The following INVS variants were observed in gnomAD, a reference collection of about 807,000 sequenced individuals.
INVS encodes the protein inversion of embryo turning homolog.
In INVS, 86 loss-of-function variants were observed where a neutral mutation model predicts 108.8. The ratio of observed to expected loss-of-function variants is 0.79; its 90% CI spans 0.66 to 0.95. INVS has a LOEUF of 0.95. INVS is among the 40% of genes least tolerant of loss of function. The pLI, the probability that INVS is intolerant of heterozygous loss-of-function variation, is 0.00. For synonymous variants in INVS, 455 were observed against 473.5 expected (o/e 0.96, Z 0.51); for missense variants, 1,169 against 1,297.4 (o/e 0.90, Z 1.52).
At chr9:100,292,299 A>T (rs1420689885) in intron 13 of INVS, 27 bp from the exon 14 acceptor site, 1 of 1,593,034 alleles carries the variant, frequency 6.3e-7, no homozygotes. Context: ...CAAGTTTTGG[A>T]CAATATTTTT....
intron 10 of INVS, among the ~76,000 whole-genome samples, chr9:100,262,447 C>G (rs1295814961): frequency 1.3e-5 from 2 of 151,498 alleles, no homozygotes; most frequent in African/African-American, 4.8e-5. Context: ...GTAAGTTGTA[C>G]TTTTTAAGGA....
chr9:100,239,625 A>G (rs1003300969), intron 5 of INVS, among the ~76,000 whole-genome samples: 2 of 152,130 alleles, frequency 1.3e-5, no homozygotes, highest in Non-Finnish European at 1.5e-5. Flanking sequence ...TCCATGATTT[A>G]TCACTTGTGC....
intron 3 of INVS, among the ~76,000 whole-genome samples, chr9:100,178,971 G>A (rs1021940368): frequency 3.6e-4 from 55 of 152,330 alleles, no homozygotes; most frequent in African/African-American, 1.2e-3. Context: ...AGAAGAGAGT[G>A]AGGGTCAATA....
chr9:100,182,252 A>G (rs1829912550), intron 3 of INVS, among the ~76,000 whole-genome samples: 1 of 152,246 alleles, frequency 6.6e-6, no homozygotes, highest in South Asian at 2.1e-4. Flanking sequence ...AACAAAAGCC[A>G]AAATTGACAA....
At chr9:100,110,245 C>T (rs1827300624) in intron 2 of INVS, among the ~76,000 whole-genome samples, 1 of 152,144 alleles carries the variant, frequency 6.6e-6, no homozygotes, top group Non-Finnish European at 1.5e-5. Context: ...TTTGGCAACT[C>T]ATTAACTTAA....
chr9:100,247,731 A>C (rs1832091398), intron 8 of INVS, among the ~76,000 whole-genome samples: 1 of 152,172 alleles, frequency 6.6e-6, no homozygotes, highest in African/African-American at 2.4e-5. Context: ...ATATTTTAAG[A>C]AGACAATTCA....
intron 5 of INVS, among the ~76,000 whole-genome samples, chr9:100,236,520 T>C (rs1831691444): frequency 6.6e-6 from 1 of 152,240 alleles, no homozygotes; most frequent in Non-Finnish European, 1.5e-5. Flanking sequence ...TTGATGCTGA[T>C]GACCTTTGGA....
At chr9:100,145,347 C>T (rs1223595886) in intron 3 of INVS, among the ~76,000 whole-genome samples, 3 of 150,348 alleles carry the variant, frequency 2.0e-5, no homozygotes, top group Non-Finnish European at 4.4e-5. Flanking sequence ...GATCAGGGCG[C>T]AGAGATAAGA....
At chr9:100,178,754 A>G (rs1252206679) in intron 3 of INVS, among the ~76,000 whole-genome samples, 4 of 152,178 alleles carry the variant, frequency 2.6e-5, no homozygotes, top group Admixed American at 6.6e-5. Context: ...CCACCTAGCA[A>G]GAGACCAACA....
intron 3 of INVS, among the ~76,000 whole-genome samples, chr9:100,194,261 T>A (rs1367410685): frequency 1.3e-5 from 2 of 152,216 alleles, no homozygotes; most frequent in East Asian, 3.8e-4. Context: ...CTTTTTCATT[T>A]GAGCCATTCT....
intron 3 of INVS, among the ~76,000 whole-genome samples, chr9:100,132,398 T>G (rs533210104): frequency 6.6e-6 from 1 of 152,324 alleles, no homozygotes; most frequent in Admixed American, 6.5e-5. Context: ...ATCAGGATTT[T>G]TTAAGATTTT....
chr9:100,271,547 A>G (rs919746239), intron 11 of INVS, among the ~76,000 whole-genome samples: 10 of 152,260 alleles, frequency 6.6e-5, no homozygotes, highest in African/African-American at 2.4e-4. Flanking sequence ...ATATACATGA[A>G]TAATTTTGAT....
intron 1 of INVS, among the ~76,000 whole-genome samples, chr9:100,100,092 G>A (rs1202639348): frequency 2.0e-5 from 3 of 152,218 alleles, no homozygotes; most frequent in South Asian, 2.1e-4. Flanking sequence ...AATTATTAGA[G>A]CATTTATTAC....
intron 3 of INVS, among the ~76,000 whole-genome samples, chr9:100,195,614 A>T (rs866772217): frequency 1.3e-5 from 2 of 152,082 alleles, no homozygotes; most frequent in Non-Finnish European, 2.9e-5. Flanking sequence ...CAGCCTCCTG[A>T]GTAGTTGGGA....
At chr9:100,139,572 C>T (rs548030226) in intron 3 of INVS, among the ~76,000 whole-genome samples, 1 of 152,320 alleles carries the variant, frequency 6.6e-6, no homozygotes, top group East Asian at 1.9e-4. Context: ...TACCTTTTAA[C>T]CTGTAATCAG....
At chr9:100,212,327 G>T (rs962816168) in intron 3 of INVS, among the ~76,000 whole-genome samples, 3 of 152,050 alleles carry the variant, frequency 2.0e-5, no homozygotes, top group Non-Finnish European at 4.4e-5. Context: ...TTTCAAGAAG[G>T]GTGTAGAGAT....
At position 100,284,322 on chromosome 9, in the gene INVS, A is replaced by T; in HGVS notation, c.1787A>T (p.Lys596Met). The T allele has an allele frequency of 6.2e-7, 1 of 1,613,256 alleles. No individual in the cohort carries two copies. Reference protein sequence around the residue: ...EQLRKDAAAKKREEENKRKEA... With the variant: ...EQLRKDAAAKMREEENKRKEA... ...TTCTTCTTTGGCTTTGCTTCCAGAAAGCGAGAGGAAGAAAACAAACGAAAA... is the reference window on the plus strand; with the variant it reads ...TTCTTCTTTGGCTTTGCTTCCAGAATGCGAGAGGAAGAAAACAAACGAAAA... Residue 596 changes from lysine to methionine, a missense_variant and splice_region_variant, in exon 13 of 17, where the codon AAG becomes ATG. Transcript: ENST00000262457.
At chr9:100,270,005 AT>A (rs1832903458) in intron 11 of INVS, among the ~76,000 whole-genome samples, 1 of 152,190 alleles carries the variant, frequency 6.6e-6, no homozygotes, top group Non-Finnish European at 1.5e-5. Context: ...AACGTATTAC[AT>A]TGTTTAACAG....
At chr9:100,170,225 G>T (rs1393251861) in intron 3 of INVS, among the ~76,000 whole-genome samples, 2 of 152,056 alleles carry the variant, frequency 1.3e-5, no homozygotes, top group Non-Finnish European at 2.9e-5. Flanking sequence ...AAGTATAGTT[G>T]TGAGTACATT....
Sources: allele counts gnomAD v4.1 joint callset (sites outside exome capture counted in the v4.1 genomes callset), GRCh38; gene constraint gnomAD v4.1.1; transcripts MANE v1.5; gene names NCBI Gene and HGNC (gene_info 2026-07-23, HGNC 2026-07-21).